Variants in IGF2 observed in about 807,000 individuals in gnomAD.
IGF2 encodes the protein insulin-like growth factor 2.
In IGF2, 2 loss-of-function variants were observed where a neutral mutation model predicts 12.0. That is an observed-to-expected ratio of 0.17 (90% CI 0.07 to 0.52). IGF2 has a LOEUF of 0.52. Ranked by LOEUF, IGF2 falls within the 20% of genes least tolerant of loss-of-function variation. The pLI is 0.95. For missense variants in IGF2, 211 were observed against 268.0 expected, an observed-to-expected ratio of 0.79 and a Z score of 1.48; for synonymous variants, 105 against 110.1, an observed-to-expected ratio of 0.95 and a Z score of 0.29.
chr11:2,140,581 A>C, upstream of IGF2: 1 of 498,204 alleles, frequency 2.0e-6, no homozygotes, highest in Admixed American at 3.0e-5. Context: ...CCCTCGCCCC[A>C]GCCCCCTGCC....
Position 2,138,628 on chromosome 11 carries a change from G to A in IGF2, c.-406C>T. On this transcript the variant is annotated 5_prime_UTR_variant, in exon 1 of 4. Transcript: ENST00000416167. ...AGAGGCGGGCAGGCGCACAGCGGGA[G>A]AGAACAGCACGGAGAGAAACAGAAA... 1.0e-6 allele frequency: 1 copy of A among 980,908 alleles called. No individual in the cohort carries two copies. Among genetic ancestry groups the A allele is most frequent in the Non-Finnish European group, 1.2e-6 (1 of 828,798 alleles). 60.8% of individuals were successfully genotyped at this position (980,908 alleles called of 1,614,324 possible). A position where few individuals can be genotyped will look rare whatever the true frequency, so the allele number is the denominator to read the frequency against.
At chr11:2,134,551 G>A (rs1858855641) in intron 2 of IGF2, among the ~76,000 whole-genome samples, 1 of 152,252 alleles carries the variant, frequency 6.6e-6, no homozygotes, top group Non-Finnish European at 1.5e-5. Context: ...TGCATCCTGT[G>A]AGCCCATTTC....
upstream of IGF2, among the ~76,000 whole-genome samples, chr11:2,146,015 T>C (rs1186848264): frequency 1.3e-5 from 2 of 151,882 alleles, no homozygotes; most frequent in Admixed American, 6.6e-5. Flanking sequence ...GCAGGAACTT[T>C]AGCCCCAAGC....
chr11:2,134,658 T>C (rs1410741730), intron 2 of IGF2, among the ~76,000 whole-genome samples: 1 of 152,124 alleles, frequency 6.6e-6, no homozygotes, highest in Non-Finnish European at 1.5e-5. Flanking sequence ...GCCCCTCCCC[T>C]GCCCCATCAG....
upstream of IGF2, chr11:2,141,125 T>C (rs951425867): frequency 6.0e-5 from 12 of 198,960 alleles, no homozygotes; most frequent in African/African-American, 1.9e-4. Context: ...CCAAGTGTGT[T>C]TGGGCAACGC....
chr11:2,149,435 C>T, the IGF2 span: 3 of 1,095,626 alleles, frequency 2.7e-6, no homozygotes, highest in South Asian at 2.7e-5. Context: ...ATGGCACCTG[C>T]TCAAATGCCA....
chr11:2,136,514 G>C (rs904984905), intron 1 of IGF2, among the ~76,000 whole-genome samples: 1 of 152,246 alleles, frequency 6.6e-6, no homozygotes, highest in African/African-American at 2.4e-5. Flanking sequence ...TCGGGGGTGG[G>C]AGGCCGGGAG....
At chr11:2,140,287 G>A (rs1256854245), upstream of IGF2, 6 of 1,612,336 alleles carry the variant, frequency 3.7e-6, no homozygotes, top group Non-Finnish European at 5.1e-6. Context: ...TGGGGGTCTG[G>A]GGAAACCATC....
At chr11:2,144,781 C>G (rs1405366596), upstream of IGF2, among the ~76,000 whole-genome samples, 1 of 151,930 alleles carries the variant, frequency 6.6e-6, no homozygotes, top group Non-Finnish European at 1.5e-5. Flanking sequence ...GGTGGGGGTA[C>G]TGCCAGAGAG....
chr11:2,131,306 A>G lies in IGF2; in HGVS notation c.*1681T>C, dbSNP rs912068745. On this transcript the variant is annotated 3_prime_UTR_variant, in exon 4 of 4. Transcript: ENST00000416167. ...GCCGAGGGGCAGTGGAGATGGGAAC[A>G]GGAGCGGGGCTCAGACCATGAAAAC... The G allele has an allele frequency of 1.8e-4, 41 of 233,258 alleles. No homozygotes were observed. Among genetic ancestry groups the G allele is most frequent in the Non-Finnish European group, 2.8e-4 (33 of 118,082 alleles). The allele number at this position is 233,258 out of a possible 1,614,324, so 14.4% of individuals were successfully genotyped here. A position where few individuals can be genotyped will look rare whatever the true frequency, so the allele number is the denominator to read the frequency against.
upstream of IGF2, among the ~76,000 whole-genome samples, chr11:2,144,701 A>T (rs1859808196): frequency 6.6e-6 from 1 of 151,646 alleles, no homozygotes; most frequent in Non-Finnish European, 1.5e-5. Context: ...GTCGGCAGGA[A>T]CAAGGTCACC....
chr11:2,140,070 G>A (rs1590130203), upstream of IGF2: 1 of 1,532,450 alleles, frequency 6.5e-7, no homozygotes, highest in East Asian at 2.4e-5. Context: ...CAGGCTTGGA[G>A]CCTACGGAGG....
chr11:2,140,031 A>G (rs1316345986), upstream of IGF2: 17 of 1,160,942 alleles, frequency 1.5e-5, no homozygotes, highest in African/African-American at 4.9e-5. Flanking sequence ...GACGCGCGGA[A>G]GGCCGGCTGC....
Position 2,135,591 on chromosome 11 carries a change from C to T in IGF2, c.-6-62G>A, listed in dbSNP as rs1858955051. 4 of 1,502,456 alleles carry T rather than the reference C, an allele frequency of 2.7e-6. No individual in the cohort carries two copies. The South Asian group carries it at 3.8e-5, about 14-fold the overall frequency. The allele number at this position is 1,502,456 out of a possible 1,614,324, so 93.1% of individuals were successfully genotyped here. ...CAGGCCAAGCCCCAGGCCAGAGGTG[C>T]CCCTCCCAAACCAAATTTGCCAACC... On this transcript the variant is annotated intron_variant, in intron 1 of 3. Coordinates refer to ENST00000416167, the MANE Select transcript of IGF2 (RefSeq NM_000612.6).
Position 2,138,639 on chromosome 11 carries a change from G to C in IGF2, c.-417C>G, listed in dbSNP as rs950188641. The C allele has an allele frequency of 3.1e-6, 3 of 981,110 alleles. No homozygotes were observed. Among genetic ancestry groups the C allele is most frequent in the African/African-American group, 1.8e-5 (1 of 55,898 alleles). The allele number at this position is 981,110 out of a possible 1,614,324, so 60.8% of individuals were successfully genotyped here. ...GGCGCACAGCGGGAGAGAACAGCAC[G>C]GAGAGAAACAGAAAGCGTGTAATTA... On this transcript the variant is annotated 5_prime_UTR_variant, in exon 1 of 4. Coordinates refer to ENST00000416167, the MANE Select transcript of IGF2 (RefSeq NM_000612.6).
At chr11:2,145,726 G>T (rs1048713128), upstream of IGF2, among the ~76,000 whole-genome samples, 1 of 152,132 alleles carries the variant, frequency 6.6e-6, no homozygotes, top group Non-Finnish European at 1.5e-5. Flanking sequence ...GGGAGTGGGG[G>T]TGCACACATG....
chr11:2,140,227 G>T, upstream of IGF2: 1 of 1,613,226 alleles, frequency 6.2e-7, no homozygotes, highest in South Asian at 1.1e-5. Flanking sequence ...TCCTCAGTGC[G>T]TTGGACTTGC....
Position 2,132,903 on chromosome 11 carries a change from G to C in IGF2, c.*84C>G. ...GGGGACGTGGAACCGAGAGATTTTC[G>C]GGATGGAACCTGATGGAAACGTCCG... On this transcript the variant is annotated 3_prime_UTR_variant, in exon 4 of 4. Transcript: ENST00000416167. 2.1e-6 allele frequency: 2 copies of C among 961,662 alleles called. No homozygotes were observed. Among genetic ancestry groups the C allele is most frequent in the South Asian group, 1.7e-5 (1 of 59,300 alleles). The allele number at this position is 961,662 out of a possible 1,614,324, so 59.6% of individuals were successfully genotyped here.
Position 2,130,120 on chromosome 11 carries a change from G to A in IGF2, c.*2867C>T, listed in dbSNP as rs528099798. The A allele has an allele frequency of 4.8e-5, 11 of 230,528 alleles. No individual in the cohort carries two copies. The highest frequency in any genetic ancestry group is 1.3e-3 in the Middle Eastern group (1 of 778). The allele number at this position is 230,528 out of a possible 1,614,324, so 14.3% of individuals were successfully genotyped here. On this transcript the variant is annotated 3_prime_UTR_variant, in exon 4 of 4. Coordinates refer to ENST00000416167, the MANE Select transcript of IGF2 (RefSeq NM_000612.6). ...AGGGTTCCTCAAGTGTGCGGAAGGC[G>A]GCCACCCTGCCCCAGCCTGATGGAA...
Sources: allele counts gnomAD v4.1 joint callset (sites outside exome capture counted in the v4.1 genomes callset), GRCh38; gene constraint gnomAD v4.1.1; transcripts MANE v1.5; gene names NCBI Gene and HGNC (gene_info 2026-07-23, HGNC 2026-07-21).